The following FNIP1 variants were observed in gnomAD, a reference collection of about 807,000 sequenced individuals.
The protein encoded by FNIP1 is folliculin-interacting protein 1.
Under a neutral mutation model 124.5 loss-of-function variants are expected in FNIP1, and 40 were observed. The observed-to-expected ratio is 0.32, with a 90% CI of 0.25 to 0.42. FNIP1 has a LOEUF of 0.42. Ranked by LOEUF, FNIP1 falls within the 10% of genes least tolerant of loss-of-function variation. FNIP1 has a pLI of 1.00. For synonymous variants in FNIP1, 472 were observed against 470.6 expected, an observed-to-expected ratio of 1.00 and a Z score of -0.04; for missense variants, 1,176 against 1,403.7, an observed-to-expected ratio of 0.84 and a Z score of 2.59.
chr5:131,705,987 G>A (rs1769095406), intron 9 of FNIP1, among the ~76,000 whole-genome samples: 1 of 151,974 alleles, frequency 6.6e-6, no homozygotes, highest in Non-Finnish European at 1.5e-5. Context: ...AATGAAATAA[G>A]GCAGACACAA....
At chr5:131,717,232 G>T (rs1455873043) in intron 5 of FNIP1, among the ~76,000 whole-genome samples, 4 of 151,310 alleles carry the variant, frequency 2.6e-5, no homozygotes, top group African/African-American at 9.7e-5. Flanking sequence ...GTGAGAACAT[G>T]TGGTGTTTGG....
chr5:131,774,557 C>T (rs766759941), intron 1 of FNIP1, among the ~76,000 whole-genome samples: 25 of 152,144 alleles, frequency 1.6e-4, no homozygotes, highest in Non-Finnish European at 2.9e-4. Context: ...CAAAGGTTCT[C>T]TGTTATTATA....
At chr5:131,684,861 T>C (rs139806534) in intron 11 of FNIP1, among the ~76,000 whole-genome samples, 2 of 152,316 alleles carry the variant, frequency 1.3e-5, no homozygotes, top group Non-Finnish European at 2.9e-5. Flanking sequence ...GTCAATCCAA[T>C]AGTATAATTA....
intron 1 of FNIP1, among the ~76,000 whole-genome samples, chr5:131,779,516 T>TAA (rs201631709): frequency 2.3e-4 from 33 of 142,676 alleles, no homozygotes; most frequent in Admixed American, 7.6e-4. Context: ...CACTTCTAGT[T>TAA]AAAAAAAAAA....
intron 6 of FNIP1, among the ~76,000 whole-genome samples, chr5:131,713,828 T>G (rs2149539065): frequency 6.6e-6 from 1 of 152,358 alleles, no homozygotes; most frequent in East Asian, 1.9e-4. Context: ...CTATCCCCAC[T>G]GACACTAATT....
At chr5:131,709,842 T>C (rs941697392) in intron 7 of FNIP1, among the ~76,000 whole-genome samples, 1 of 152,134 alleles carries the variant, frequency 6.6e-6, no homozygotes, top group Admixed American at 6.5e-5. Flanking sequence ...ATATCTAATA[T>C]TTACAGGGAA....
intron 11 of FNIP1, among the ~76,000 whole-genome samples, chr5:131,686,825 A>G (rs1324668985): frequency 6.6e-6 from 1 of 151,758 alleles, no homozygotes; most frequent in South Asian, 2.1e-4. Context: ...GTGGCCTCCC[A>G]AAGTGCTGCG....
At chr5:131,769,601 A>C (rs1342448072) in intron 1 of FNIP1, among the ~76,000 whole-genome samples, 1 of 152,198 alleles carries the variant, frequency 6.6e-6, no homozygotes. Context: ...TCTGAATTTA[A>C]CTCAAATAAA....
intron 1 of FNIP1, among the ~76,000 whole-genome samples, chr5:131,770,347 G>C (rs560074370): frequency 6.6e-6 from 1 of 152,296 alleles, no homozygotes; most frequent in East Asian, 1.9e-4. Context: ...AATACATTAA[G>C]TAGCTGGTTC....
At chr5:131,652,131 G>C (rs1383517554) in intron 15 of FNIP1, 132 bp from the exon 16 acceptor site, 6 of 733,134 alleles carry the variant, frequency 8.2e-6, no homozygotes, top group East Asian at 8.1e-5. Flanking sequence ...ATATCTCCTT[G>C]ACCAAGAAGA....
At chr5:131,719,218 A>C in intron 4 of FNIP1, 99 bp downstream of exon 4, 1 of 1,208,882 alleles carries the variant, frequency 8.3e-7, no homozygotes, top group Non-Finnish European at 1.2e-6. Context: ...ATGGAGTATG[A>C]CAAGCTCAAT....
intron 15 of FNIP1, among the ~76,000 whole-genome samples, chr5:131,655,685 T>C (rs1418490735): frequency 6.6e-6 from 1 of 151,682 alleles, no homozygotes; most frequent in Non-Finnish European, 1.5e-5. Context: ...CATATCTCAG[T>C]TAAAAACTAA....
chr5:131,672,215 A>T lies in FNIP1; in HGVS notation c.2229T>A (p.Ser743=). Residue 743 remains serine, a synonymous_variant, in exon 14 of 18, where the codon TCT becomes TCA. Transcript: ENST00000510461. ...TAACCTTTGTCTGGGCAGCCTCACAAGAAAATGAAGCAGGCACAATCTTAT... is the reference window on the plus strand; with the variant it reads ...TAACCTTTGTCTGGGCAGCCTCACATGAAAATGAAGCAGGCACAATCTTAT... ...PPDKIVPASF[S]CEAAQTKVTF... 1 of 1,614,228 alleles carries T rather than the reference A, an allele frequency of 6.2e-7. No individual in the cohort carries two copies. The highest frequency in any genetic ancestry group is 2.2e-5 in the East Asian group (1 of 44,886).
intron 1 of FNIP1, among the ~76,000 whole-genome samples, chr5:131,755,400 G>T (rs1178583420): frequency 6.8e-6 from 1 of 146,584 alleles, no homozygotes. Flanking sequence ...CAGACCAGGT[G>T]ACAGAGCAAG....
chr5:131,796,915 G>A lies in FNIP1; in HGVS notation c.7C>T (p.Pro3Ser). 1 of 1,606,250 alleles carries A rather than the reference G, an allele frequency of 6.2e-7. No homozygotes were observed. The highest frequency in any genetic ancestry group is 8.5e-7 in the Non-Finnish European group (1 of 1,177,154). ...CTGAAGAGCTTCTGGAACAGCGTAG[G>A]GGCCATGCTAGCCACGGCCAGGCAG... MA[P>S]TLFQKLFSKR... The change falls in exon 1 of 18, where the codon CCT (proline) becomes TCT (serine). Residue 3 changes from proline to serine, a missense_variant. By Grantham distance (74) the Pro-to-Ser change is moderately conservative. Around this residue, in one of 2 missense-constraint regions of FNIP1, gnomAD observed 1,109 missense variants for 1,288.5 expected, o/e 0.86. Transcript: ENST00000510461.
At chr5:131,679,970 T>C (rs898508086) in intron 11 of FNIP1, among the ~76,000 whole-genome samples, 7 of 152,228 alleles carry the variant, frequency 4.6e-5, no homozygotes, top group Non-Finnish European at 2.9e-5. Flanking sequence ...AACTAGTCAA[T>C]CCTGGAGAAC....
intron 11 of FNIP1, among the ~76,000 whole-genome samples, chr5:131,696,973 T>C (rs1768717547): frequency 1.3e-5 from 2 of 152,154 alleles, no homozygotes; most frequent in South Asian, 2.1e-4. Flanking sequence ...CTTCTTCAAT[T>C]TAAATCTACC....
Position 131,710,522 on chromosome 5 carries a change from C to G in FNIP1, c.706+56G>C, listed in dbSNP as rs867532147. ...CTCTCTTGTTTCCACAGCTTAACTA[C>G]AGATTCTAGCCGTTGGGGCACACCA... On this transcript the variant is annotated intron_variant, in intron 7 of 17. Transcript: ENST00000510461. The G allele has an allele frequency of 7.2e-6, 11 of 1,529,578 alleles. No homozygotes were observed. The African/African-American group carries it at 1.2e-4, about 17-fold the overall frequency. The allele number at this position is 1,529,578 out of a possible 1,614,324, so 94.8% of individuals were successfully genotyped here. A position where few individuals can be genotyped will look rare whatever the true frequency, so the allele number is the denominator to read the frequency against.
intron 13 of FNIP1, 142 bp from the exon 14 acceptor site, chr5:131,673,066 G>C: frequency 2.0e-6 from 1 of 500,120 alleles, no homozygotes. Context: ...TTTTTTTTTT[G>C]AGACAGGGTC....
Sources: allele counts gnomAD v4.1 joint callset (sites outside exome capture counted in the v4.1 genomes callset), GRCh38; gene constraint gnomAD v4.1.1; regional missense constraint gnomAD v4.1.1; transcripts MANE v1.5; gene names NCBI Gene and HGNC (gene_info 2026-07-23, HGNC 2026-07-21).